The following SCD5 variants were observed in gnomAD, a reference collection of about 807,000 sequenced individuals.
SCD5 encodes acyl-CoA-desaturase 4.
SCD5 carries 20 observed loss-of-function variants against 30.4 expected under a neutral mutation model. The ratio of observed to expected loss-of-function variants is 0.66; its 90% CI spans 0.46 to 0.96. The LOEUF (loss-of-function observed/expected upper bound fraction) is 0.96, where lower values mean the gene tolerates loss of function less well. SCD5 is among the 40% of genes least tolerant of loss of function. SCD5 has a pLI of 0.00. For synonymous variants in SCD5, 173 were observed against 176.4 expected (o/e 0.98, Z 0.16); for missense variants, 381 against 443.3 (o/e 0.86, Z 1.26).
At chr4:82,664,999 C>CTCTCTCTATATATA (rs1219554314) in intron 3 of SCD5, among the ~76,000 whole-genome samples, 27 of 70,484 alleles carry the variant, frequency 3.8e-4, no homozygotes, top group South Asian at 1.5e-3. Context: ...CTCTCTCTCT[C>CTCTCTCTATATATA]TATATATATA....
At chr4:82,750,152 C>T (rs897586570) in intron 1 of SCD5, among the ~76,000 whole-genome samples, 9 of 152,182 alleles carry the variant, frequency 5.9e-5, no homozygotes, top group Non-Finnish European at 1.0e-4. Flanking sequence ...AGTCTGCCCA[C>T]AAAAATATTT....
At chr4:82,730,265 A>T (rs1373125411) in intron 1 of SCD5, among the ~76,000 whole-genome samples, 1 of 81,892 alleles carries the variant, frequency 1.2e-5, no homozygotes, top group Non-Finnish European at 2.0e-5. Context: ...TTATACATTT[A>T]TATATATAGT....
chr4:82,788,256 T>C (rs1490151696), intron 1 of SCD5, among the ~76,000 whole-genome samples: 2 of 152,206 alleles, frequency 1.3e-5, no homozygotes, highest in Non-Finnish European at 2.9e-5. Flanking sequence ...ACCCAGTTTG[T>C]GGTACTCTGT....
At chr4:82,654,990 C>T (rs547031516) in intron 3 of SCD5, among the ~76,000 whole-genome samples, 1 of 152,230 alleles carries the variant, frequency 6.6e-6, no homozygotes, top group South Asian at 2.1e-4. Context: ...GAATGAGAGC[C>T]GTCAAGAGAA....
At position 82,712,279 on chromosome 4, in the gene SCD5, TATATATATATATATATATTTTA is replaced by T. The variant is rs1720119656; in HGVS notation, c.233-6888_233-6867del. Among the ~76,000 whole-genome samples the T allele has an allele frequency of 3.6e-4, 18 of 50,532 alleles. 1 individual carries two copies. The highest frequency in any genetic ancestry group is 1.9e-3 in the African/African-American group (17 of 8,994). 33.2% of individuals were successfully genotyped at this position (50,532 alleles called of 152,430 possible). On this transcript the variant is annotated intron_variant, in intron 1 of 4. Transcript: ENST00000319540. ...ATATATATATATATATATATATATA[TATATATATATATATATATTTTA>T]TTTTTATTTTATTTTTTTTTTTTGA... is the stretch of plus-strand genomic sequence containing the variant.
chr4:82,797,206 C>T (rs533424234), intron 1 of SCD5, among the ~76,000 whole-genome samples: 12 of 152,320 alleles, frequency 7.9e-5, no homozygotes, highest in Non-Finnish European at 1.5e-4. Context: ...TATTTTCTTC[C>T]TTCCTCTTCC....
chr4:82,657,238 C>T (rs748626704), intron 3 of SCD5, among the ~76,000 whole-genome samples: 2 of 152,110 alleles, frequency 1.3e-5, no homozygotes, highest in Non-Finnish European at 2.9e-5. Flanking sequence ...TTAGGTCTTA[C>T]ATTTAAGTTT....
At chr4:82,648,597 G>T (rs1225714974) in intron 3 of SCD5, among the ~76,000 whole-genome samples, 1 of 152,192 alleles carries the variant, frequency 6.6e-6, no homozygotes, top group East Asian at 1.9e-4. Flanking sequence ...CATTATATAT[G>T]AGTCAGTTAC....
At chr4:82,658,959 G>A (rs1388479775) in intron 3 of SCD5, among the ~76,000 whole-genome samples, 1 of 151,974 alleles carries the variant, frequency 6.6e-6, no homozygotes, top group Non-Finnish European at 1.5e-5. Flanking sequence ...GAATCCCTCT[G>A]GTCCTTGGCT....
chr4:82,649,020 G>A (rs1372658217), intron 3 of SCD5, among the ~76,000 whole-genome samples: 1 of 152,050 alleles, frequency 6.6e-6, no homozygotes, highest in Non-Finnish European at 1.5e-5. Context: ...TTTATTTACA[G>A]GTCCTTGGTT....
intron 1 of SCD5, among the ~76,000 whole-genome samples, chr4:82,712,095 C>T (rs1468721346): frequency 1.3e-5 from 2 of 148,502 alleles, no homozygotes; most frequent in Non-Finnish European, 3.0e-5. Flanking sequence ...GGGGTAGGTG[C>T]CATTATGATC....
rs1182163864 is a variant in SCD5, at chr4:82,669,359, G to C, written c.569+11348C>G. Among the ~76,000 whole-genome samples, 3 of 150,724 alleles carry C rather than the reference G, an allele frequency of 2.0e-5. No homozygotes were observed. In the East Asian group the frequency reaches 5.8e-4, roughly 29 times the overall value. The stretch of plus-strand genomic sequence containing the variant: ...TCCAGTTTCCGGTTCCACATGAAGA[G>C]CTCAGAAGTTGCCACTCATTCTAAC... On this transcript the variant is annotated intron_variant, in intron 3 of 4. Transcript: ENST00000319540.
chr4:82,693,231 G>C (rs567773833), intron 2 of SCD5, among the ~76,000 whole-genome samples: 164 of 152,294 alleles, frequency 1.1e-3, no homozygotes, highest in South Asian at 8.3e-3. Flanking sequence ...CTCAGCTCCG[G>C]TGCCTTTGAC....
chr4:82,724,736 G>A (rs1251442593), intron 1 of SCD5, among the ~76,000 whole-genome samples: 1 of 152,216 alleles, frequency 6.6e-6, no homozygotes, highest in African/African-American at 2.4e-5. Context: ...GATGAGAAAT[G>A]TCAAGTGCTT....
At chr4:82,688,689 G>T (rs1273983973) in intron 2 of SCD5, among the ~76,000 whole-genome samples, 2 of 152,096 alleles carry the variant, frequency 1.3e-5, no homozygotes, top group Non-Finnish European at 2.9e-5. Flanking sequence ...CCTTCATGTG[G>T]CACTTGGTCT....
intron 1 of SCD5, among the ~76,000 whole-genome samples, chr4:82,738,658 C>A (rs1720804998): frequency 6.6e-6 from 1 of 152,152 alleles, no homozygotes; most frequent in Non-Finnish European, 1.5e-5. Context: ...TGGAGAGGAT[C>A]CTGGTAGACC....
chr4:82,678,111 GTTC>G (rs1196582148), intron 3 of SCD5, among the ~76,000 whole-genome samples: 1 of 152,020 alleles, frequency 6.6e-6, no homozygotes, highest in Non-Finnish European at 1.5e-5. Context: ...CTAAACTATA[GTTC>G]TGAGAGGAGG....
chr4:82,705,408 A>T lies in SCD5; in HGVS notation c.238T>A (p.Phe80Ile), dbSNP rs781414316. 74 of 1,614,114 alleles carry T rather than the reference A, an allele frequency of 4.6e-5. No individual in the cohort carries two copies. In the Middle Eastern group the frequency reaches 1.2e-3, roughly 25 times the overall value. ...AKPLTLLWAYFCFLLAALGVT... is the reference protein window; with the variant it reads ...AKPLTLLWAYICFLLAALGVT... ...CCCAGAGCGGCCAGGAGGAAGCAGA[A>T]GTAGGCTGCAAGACACAAGCAGGGA... The change falls in exon 2 of 5, where the codon TTC becomes ATC. Residue 80 changes from phenylalanine to isoleucine, a missense_variant. Transcript: ENST00000319540.
At chr4:82,754,559 C>T (rs769642453) in intron 1 of SCD5, among the ~76,000 whole-genome samples, 19 of 151,686 alleles carry the variant, frequency 1.3e-4, no homozygotes, top group Non-Finnish European at 2.5e-4. Flanking sequence ...CCTAACCCGA[C>T]AGGGAGGAAA....
Sources: gnomAD v4.1 joint callset for allele counts (sites outside exome capture counted in the v4.1 genomes callset) on GRCh38, gnomAD v4.1.1 for gene constraint, MANE v1.5 for transcripts, NCBI Gene and HGNC (gene_info 2026-07-23, HGNC 2026-07-21) for gene names.